The following WFDC8 variants were observed in gnomAD, a reference collection of about 807,000 sequenced individuals.
The protein encoded by WFDC8 is WAP four-disulfide core domain protein 8.
Under a neutral mutation model 27.0 loss-of-function variants are expected in WFDC8, and 24 were observed. The ratio of observed to expected loss-of-function variants is 0.89; its 90% CI spans 0.64 to 1.25. The LOEUF (loss-of-function observed/expected upper bound fraction) is 1.25. WFDC8 is among the 50% of genes most tolerant of loss of function. The pLI, the probability that WFDC8 is intolerant of heterozygous loss-of-function variation, is 0.00. For missense variants in WFDC8, 287 were observed against 295.9 expected, an observed-to-expected ratio of 0.97 and a Z score of 0.22; for synonymous variants, 106 against 99.7, an observed-to-expected ratio of 1.06 and a Z score of -0.38.
chr20:45,554,394 T>C (rs1367900335), intron 4 of WFDC8, among the ~76,000 whole-genome samples: 1 of 152,100 alleles, frequency 6.6e-6, no homozygotes, highest in Non-Finnish European at 1.5e-5. Context: ...GTAGAGCAGA[T>C]AGTGGATTTT....
chr20:45,570,129 C>A (rs926956128), intron 1 of WFDC8, among the ~76,000 whole-genome samples: 5 of 151,944 alleles, frequency 3.3e-5, no homozygotes, highest in South Asian at 4.2e-4. Flanking sequence ...TACAACAAAC[C>A]CCCATGGCAC....
At position 45,551,829 on chromosome 20, in the gene WFDC8, TA is replaced by T; in HGVS notation, c.*196del. 1.7e-6 allele frequency: 1 copy of T among 571,752 alleles called. No individual in the cohort carries two copies. The allele number at this position is 571,752 out of a possible 1,614,324, so 35.4% of individuals were successfully genotyped here. A position where few individuals can be genotyped will look rare whatever the true frequency, so the allele number is the denominator to read the frequency against. On this transcript the variant is annotated 3_prime_UTR_variant, in exon 6 of 6. Coordinates refer to ENST00000289953, the MANE Select transcript of WFDC8 (RefSeq NM_130896.3). ...TACACAATACAAGAAGACAAGAAAATAAAGTCATGAAGTTGAAAAAAAGCCA... is the reference window on the plus strand; with the variant it reads ...TACACAATACAAGAAGACAAGAAAATAAGTCATGAAGTTGAAAAAAAGCCA...
intron 5 of WFDC8, among the ~76,000 whole-genome samples, chr20:45,552,455 G>A (rs1487828474): frequency 6.6e-6 from 1 of 152,182 alleles, no homozygotes; most frequent in Non-Finnish European, 1.5e-5. Flanking sequence ...AGTACCACAG[G>A]TGGCAGGAGT....
intron 2 of WFDC8, among the ~76,000 whole-genome samples, chr20:45,561,025 G>A (rs1980447157): frequency 6.6e-6 from 1 of 152,226 alleles, no homozygotes; most frequent in Non-Finnish European, 1.5e-5. Flanking sequence ...GGCAGAGACA[G>A]AGTTCGGCAA....
chr20:45,570,043 G>A (rs1410568593), intron 1 of WFDC8, among the ~76,000 whole-genome samples: 5 of 152,162 alleles, frequency 3.3e-5, no homozygotes, highest in East Asian at 1.9e-4. Context: ...GGAGGTTGGA[G>A]GGTAGGAGGA....
chr20:45,555,629 G>A, intron 4 of WFDC8, 72 bp downstream of exon 4: 2 of 1,546,160 alleles, frequency 1.3e-6, no homozygotes, highest in Non-Finnish European at 8.9e-7. Flanking sequence ...CTCAAATCCT[G>A]AGCCTATAAC....
At position 45,552,032 on chromosome 20, in the gene WFDC8, T is replaced by C. The variant is rs765857432; in HGVS notation, c.720A>G (p.Arg240=). 2.5e-6 allele frequency: 4 copies of C among 1,613,894 alleles called. No individual in the cohort carries two copies. Among genetic ancestry groups the C allele is most frequent in the Non-Finnish European group, 2.5e-6 (3 of 1,179,862 alleles). ...AATATTTTCTACTTACTATTCAACG[T>C]CTGGGGTCCATACATTTCAGTCCAC... ...SHCGLKCMDP[R]R is the part of the protein sequence containing the mutation. Residue 240 remains arginine, a synonymous_variant, in exon 6 of 6, where the codon AGA becomes AGG. Transcript: ENST00000289953.
downstream of WFDC8, chr20:45,551,334 AAG>A (rs1254486279): frequency 2.0e-5 from 3 of 152,194 alleles, no homozygotes; most frequent in African/African-American, 7.2e-5. Flanking sequence ...TAGGCTTAAA[AAG>A]GAAATAACTG....
chr20:45,558,928 G>A lies in WFDC8; in HGVS notation c.201C>T (p.Asn67=). ...TCTTELPDSC[N]TDFDCKEYQK... ...GGTATTCCTTGCAGTCAAAATCTGT[G>A]TTACATGAGTCCGGAAGTTCAGTGG... is the stretch of plus-strand genomic sequence containing the variant. The change falls in exon 3 of 6, where the codon AAC becomes AAT. Residue 67 remains asparagine (N), a synonymous_variant. Coordinates refer to ENST00000289953, the MANE Select transcript of WFDC8 (RefSeq NM_130896.3). 1 of 1,614,166 alleles carries A rather than the reference G, an allele frequency of 6.2e-7. No homozygotes were observed. The highest frequency in any genetic ancestry group is 8.5e-7 in the Non-Finnish European group (1 of 1,180,018).
intron 1 of WFDC8, among the ~76,000 whole-genome samples, chr20:45,567,720 G>A (rs938686377): frequency 6.6e-6 from 1 of 152,208 alleles, no homozygotes; most frequent in Non-Finnish European, 1.5e-5. Flanking sequence ...TTTCAAAAAC[G>A]TAAAAGCACA....
At chr20:45,560,121 A>G (rs1569615) in intron 2 of WFDC8, among the ~76,000 whole-genome samples, 51,778 of 152,150 alleles carry the variant, frequency 0.34, 9,595 homozygotes, top group Non-Finnish European at 0.42. Context: ...CTTGAAAAGC[A>G]GAGTTTTCTT....
chr20:45,557,387 G>C (rs141339120), intron 3 of WFDC8, among the ~76,000 whole-genome samples: 22 of 152,058 alleles, frequency 1.4e-4, no homozygotes, highest in African/African-American at 4.3e-4. Flanking sequence ...TGATTGTAAT[G>C]GTTCCTATTT....
At chr20:45,574,994 C>G (rs1404991140) in intron 1 of WFDC8, among the ~76,000 whole-genome samples, 1 of 151,984 alleles carries the variant, frequency 6.6e-6, no homozygotes, top group Admixed American at 6.6e-5. Flanking sequence ...GATAAAAAAT[C>G]TCAACAAATT....
intron 4 of WFDC8, 54 bp downstream of exon 4, chr20:45,555,647 G>C (rs902727767): frequency 1.6e-5 from 26 of 1,591,490 alleles, no homozygotes; most frequent in Non-Finnish European, 1.8e-5. Context: ...AACCTCATTG[G>C]TATACTATTT....
chr20:45,559,131 G>A (rs917844932), intron 2 of WFDC8, 139 bp from the exon 3 acceptor site: 22 of 1,049,304 alleles, frequency 2.1e-5, no homozygotes, highest in Non-Finnish European at 2.9e-5. Flanking sequence ...TATATTCAGG[G>A]GCTAGTTCTG....
chr20:45,555,938 AT>A, intron 3 of WFDC8, 70 bp from the exon 4 acceptor site: 1 of 1,488,888 alleles, frequency 6.7e-7, no homozygotes, highest in Middle Eastern at 1.8e-4. Flanking sequence ...GTTCCCTAGC[AT>A]TTCTCATAAC....
intron 4 of WFDC8, among the ~76,000 whole-genome samples, chr20:45,553,579 T>G (rs1489689715): frequency 6.6e-6 from 1 of 152,130 alleles, no homozygotes; most frequent in African/African-American, 2.4e-5. Context: ...TGTAAGCCAT[T>G]TTAGGGTATT....
At chr20:45,562,806 G>A (rs553441177) in intron 1 of WFDC8, among the ~76,000 whole-genome samples, 9 of 151,886 alleles carry the variant, frequency 5.9e-5, no homozygotes, top group Non-Finnish European at 1.2e-4. Flanking sequence ...AGCTTCCCCC[G>A]CCTACTCAAG....
At chr20:45,564,420 C>A (rs1267105178) in intron 1 of WFDC8, among the ~76,000 whole-genome samples, 4 of 152,192 alleles carry the variant, frequency 2.6e-5, no homozygotes, top group African/African-American at 9.6e-5. Context: ...GCCTGTAATC[C>A]CAGCACTTTG....
Sources: gnomAD v4.1 joint callset for allele counts (sites outside exome capture counted in the v4.1 genomes callset) on GRCh38, gnomAD v4.1.1 for gene constraint, MANE v1.5 for transcripts, NCBI Gene and HGNC (gene_info 2026-07-23, HGNC 2026-07-21) for gene names.